TMEM128: variants seen among roughly 807,000 people sequenced by gnomAD.
TMEM128 encodes transmembrane protein 128.
A neutral mutation model predicts 19.7 loss-of-function variants in TMEM128; 16 were observed. The observed-to-expected ratio is 0.81, with a 90% CI of 0.55 to 1.23. The LOEUF (loss-of-function observed/expected upper bound fraction) is 1.23, where lower values mean the gene tolerates loss of function less well. TMEM128 is among the 50% of genes most tolerant of loss of function. The probability of loss-of-function intolerance (pLI) is 0.00; values close to 1 mark genes in which losing one functional copy is unlikely to be tolerated. For synonymous variants in TMEM128, 98 were observed against 75.8 expected (o/e 1.29, Z -1.52); for missense variants, 237 against 200.8 (o/e 1.18, Z -1.09).
chr4:4,244,641 G>A (rs1041269362), intron 2 of TMEM128, among the ~76,000 whole-genome samples: 6 of 143,950 alleles, frequency 4.2e-5, no homozygotes, highest in African/African-American at 1.2e-4. Context: ...CTAATACTGG[G>A]TCTCTGACAC....
At chr4:4,238,824 G>A (rs1396235689) in intron 3 of TMEM128, among the ~76,000 whole-genome samples, 4 of 152,170 alleles carry the variant, frequency 2.6e-5, no homozygotes, top group Non-Finnish European at 5.9e-5. Flanking sequence ...CTTGAGGCCA[G>A]GAGTTTGAGA....
chr4:4,248,037 T>C, intron 1 of TMEM128, 69 bp downstream of exon 1: 2 of 1,524,482 alleles, frequency 1.3e-6, no homozygotes, highest in South Asian at 1.2e-5. Flanking sequence ...GGGCCAGGGC[T>C]GCCGGAGGCC....
intron 1 of TMEM128, chr4:4,247,496 A>G: frequency 1.3e-6 from 2 of 1,489,786 alleles, no homozygotes; most frequent in Non-Finnish European, 1.9e-6. Flanking sequence ...TCTGTCTCCC[A>G]TCCTTAACCT....
At chr4:4,242,508 T>C (rs1447009846) in intron 2 of TMEM128, among the ~76,000 whole-genome samples, 1 of 144,914 alleles carries the variant, frequency 6.9e-6, no homozygotes, top group African/African-American at 2.5e-5. Context: ...AACATGTGGA[T>C]ATGAGAAAAA....
At chr4:4,236,500 G>C (rs1717725795) in intron 4 of TMEM128, among the ~76,000 whole-genome samples, 1 of 152,204 alleles carries the variant, frequency 6.6e-6, no homozygotes, top group Non-Finnish European at 1.5e-5. Context: ...GAGAACACGA[G>C]AAGGGGAGAT....
chr4:4,248,192 G>C lies in TMEM128; in HGVS notation c.11C>G (p.Ser4Trp), dbSNP rs949998307. 1.3e-6 allele frequency: 2 copies of C among 1,525,666 alleles called. No individual in the cohort carries two copies. The highest frequency in any genetic ancestry group is 1.2e-5 in the South Asian group (1 of 82,740). The allele number at this position is 1,525,666 out of a possible 1,614,324, so 94.5% of individuals were successfully genotyped here. ...CCGCCGGAGCTGCTGCCGGGCCCGC[G>C]AGGAGTCCATCTTGGTACCGCCCCG... MDS[S>W]RARQQLRRRF... is the part of the protein sequence containing the mutation. The change falls in exon 1 of 5, where the codon TCG becomes TGG. Residue 4 changes from serine (S) to tryptophan (W), a missense_variant. Coordinates refer to ENST00000382753, the MANE Select transcript of TMEM128 (RefSeq NM_001297551.2).
At chr4:4,236,525 G>A (rs1454192631) in intron 4 of TMEM128, among the ~76,000 whole-genome samples, 1 of 152,196 alleles carries the variant, frequency 6.6e-6, no homozygotes, top group Non-Finnish European at 1.5e-5. Flanking sequence ...GACAGGGTCA[G>A]GTGAGGAAGT....
intron 1 of TMEM128, 49 bp from the exon 2 acceptor site, chr4:4,246,392 G>A: frequency 6.4e-7 from 1 of 1,557,498 alleles, no homozygotes; most frequent in South Asian, 1.2e-5. Flanking sequence ...AATTTTGCGA[G>A]GAAAAATTAC....
At position 4,235,689 on chromosome 4, in the gene TMEM128, T is replaced by G. The variant is rs571994426; in HGVS notation, c.*577A>C. 2.0e-5 allele frequency: 3 copies of G among 152,782 alleles called. No homozygotes were observed. The South Asian group carries it at 6.2e-4, about 32-fold the overall frequency. 9.5% of individuals were successfully genotyped at this position (152,782 alleles called of 1,614,324 possible). A position where few individuals can be genotyped will look rare whatever the true frequency, so the allele number is the denominator to read the frequency against. On this transcript the variant is annotated 3_prime_UTR_variant, in exon 5 of 5. Transcript: ENST00000382753. ...ATGAGAAAACATAAAATATTTTCATTTGGTCCTGTCACCTAACAAAACTAT... is the reference window on the plus strand; with the variant it reads ...ATGAGAAAACATAAAATATTTTCATGTGGTCCTGTCACCTAACAAAACTAT...
chr4:4,237,702 T>C lies in TMEM128; in HGVS notation c.*9+125A>G, dbSNP rs1216979974. ...AATGGATAATTCTAGTGTGGACAAC[T>C]CTGGTGTAAACATGACTGAAAATAA... On this transcript the variant is annotated intron_variant, in intron 4 of 4. Transcript: ENST00000382753. 2.4e-5 allele frequency: 15 copies of C among 612,766 alleles called. No individual in the cohort carries two copies. In the Admixed American group the frequency reaches 3.7e-4, roughly 15 times the overall value. The allele number at this position is 612,766 out of a possible 1,614,324, so 38.0% of individuals were successfully genotyped here.
intron 3 of TMEM128, among the ~76,000 whole-genome samples, chr4:4,239,893 T>G (rs1365948998): frequency 6.6e-6 from 1 of 152,184 alleles, no homozygotes. Flanking sequence ...GTAGTTACCA[T>G]GAAGGTCAGG....
chr4:4,247,971 T>A, intron 1 of TMEM128, 135 bp downstream of exon 1: 1 of 1,443,954 alleles, frequency 6.9e-7, no homozygotes, highest in East Asian at 2.6e-5. Flanking sequence ...ATTCTAAGGA[T>A]CTTCCCTGAC....
At chr4:4,247,699 T>C (rs1196735903) in intron 1 of TMEM128, 1 of 1,603,704 alleles carries the variant, frequency 6.2e-7, no homozygotes, top group South Asian at 1.1e-5. Context: ...GTGTCAGGTA[T>C]ACATATACCC....
At chr4:4,241,505 G>C (rs1246359923) in intron 2 of TMEM128, among the ~76,000 whole-genome samples, 2 of 152,180 alleles carry the variant, frequency 1.3e-5, no homozygotes, top group East Asian at 3.8e-4. Flanking sequence ...TTCTCTATGG[G>C]AAAAGCCTGA....
rs1409963491 is a variant in TMEM128 at position 4,240,336 on chromosome 4, A to G, written c.383T>C (p.Ile128Thr). Residue 128 changes from isoleucine to threonine, a missense_variant, in exon 3 of 5, where the codon ATT becomes ACT. Transcript: ENST00000382753. ...ALIPITTASF[I>T]AAGICFNIAL... ...GTTAACTTACCAAATTCCTGCTGCA[A>G]TAAAGGAGGCAGTGGTAATGGGTAT... 1.9e-6 allele frequency: 3 copies of G among 1,613,478 alleles called. No homozygotes were observed. In the African/African-American group the frequency reaches 4.0e-5, roughly 22 times the overall value.
chr4:4,242,348 G>A (rs1323341624), intron 2 of TMEM128, among the ~76,000 whole-genome samples: 1 of 151,898 alleles, frequency 6.6e-6, no homozygotes, highest in Non-Finnish European at 1.5e-5. Flanking sequence ...GGCTCTAATT[G>A]TATGTATAAA....
intron 2 of TMEM128, 95 bp downstream of exon 2, chr4:4,246,107 T>C (rs779854713): frequency 6.2e-6 from 8 of 1,291,668 alleles, no homozygotes; most frequent in African/African-American, 1.5e-5. Flanking sequence ...TGGCAGAGAG[T>C]AGTAGGTGCT....
rs1232020756 is a variant in TMEM128 at position 4,235,932 on chromosome 4, T to C, written c.*334A>G. ...TTAACATTGCAAAATAGTACTTCTGTATCACTGACTTCTGAAAATTTTAAT... is the reference window on the plus strand; with the variant it reads ...TTAACATTGCAAAATAGTACTTCTGCATCACTGACTTCTGAAAATTTTAAT... On this transcript the variant is annotated 3_prime_UTR_variant, in exon 5 of 5. Transcript: ENST00000382753. 6.6e-6 allele frequency: 1 copy of C among 152,458 alleles called. No individual in the cohort carries two copies. Among genetic ancestry groups the C allele is most frequent in the South Asian group, 2.1e-4 (1 of 4,832 alleles). The allele number at this position is 152,458 out of a possible 1,614,324, so 9.4% of individuals were successfully genotyped here. A position where few individuals can be genotyped will look rare whatever the true frequency, so the allele number is the denominator to read the frequency against.
At chr4:4,243,141 G>A (rs954905998) in intron 2 of TMEM128, among the ~76,000 whole-genome samples, 9 of 151,858 alleles carry the variant, frequency 5.9e-5, no homozygotes, top group African/African-American at 1.2e-4. Context: ...GTGCAGTGGC[G>A]CGATCTCGGC....
Sources: gnomAD v4.1 joint callset for allele counts (sites outside exome capture counted in the v4.1 genomes callset) on GRCh38, gnomAD v4.1.1 for gene constraint, MANE v1.5 for transcripts, NCBI Gene and HGNC (gene_info 2026-07-23, HGNC 2026-07-21) for gene names.